Variants in ASTN2 observed in about 807,000 individuals in gnomAD.
ASTN2 encodes the protein astrotactin-2.
A neutral mutation model predicts 139.8 loss-of-function variants in ASTN2; 54 were observed. The ratio of observed to expected loss-of-function variants is 0.39; its 90% CI spans 0.31 to 0.48. The LOEUF is 0.48. Ranked by LOEUF, ASTN2 falls within the 20% of genes least tolerant of loss-of-function variation. The pLI is 0.95. For missense variants in ASTN2, 1,565 were observed against 1,725.1 expected (o/e 0.91, Z 1.64); for synonymous variants, 756 against 719.5 (o/e 1.05, Z -0.81).
At chr9:117,229,201 T>A (rs1481978561) in intron 2 of ASTN2, among the ~76,000 whole-genome samples, 4 of 152,126 alleles carry the variant, frequency 2.6e-5, no homozygotes, top group Non-Finnish European at 4.4e-5. Context: ...TGGTAGACCA[T>A]GCTTTCTTTC....
At chr9:117,120,597 G>T (rs1286916746) in intron 4 of ASTN2, among the ~76,000 whole-genome samples, 1 of 152,182 alleles carries the variant, frequency 6.6e-6, no homozygotes, top group Non-Finnish European at 1.5e-5. Flanking sequence ...CACAACCTAG[G>T]TGTAGCTCAC....
intron 17 of ASTN2, among the ~76,000 whole-genome samples, chr9:116,636,249 T>C (rs903679450): frequency 2.0e-5 from 3 of 152,224 alleles, no homozygotes; most frequent in African/African-American, 7.2e-5. Flanking sequence ...ATATAGAAGC[T>C]ATTGTGACCC....
At chr9:116,604,147 G>C (rs762708763) in intron 19 of ASTN2, among the ~76,000 whole-genome samples, 3 of 152,094 alleles carry the variant, frequency 2.0e-5, no homozygotes, top group Admixed American at 6.6e-5. Context: ...TGCCTGTCCT[G>C]TTACCATTCC....
At position 116,425,694 on chromosome 9, in the gene ASTN2, C is replaced by T; in HGVS notation, c.*157G>A. ...GGTTACAAAGGTCTCTGTCCACTATCCACAGGAGAAACCGTTTGCTTTGGC... is the reference window on the plus strand; with the variant it reads ...GGTTACAAAGGTCTCTGTCCACTATTCACAGGAGAAACCGTTTGCTTTGGC... On this transcript the variant is annotated 3_prime_UTR_variant, in exon 23 of 23. Transcript: ENST00000313400. 6.2e-7 allele frequency: 1 copy of T among 1,608,140 alleles called. No individual in the cohort carries two copies. Among genetic ancestry groups the T allele is most frequent in the South Asian group, 1.1e-5 (1 of 90,064 alleles).
In ASTN2 at chr9:116,791,512, G is replaced by A. The variant is rs185253672; in HGVS notation, c.2396+14120C>T. ...GATTGCTAAGCACATTAGTGCATTAGCAGTGTAAACAAGATCATGGGGGAA... is the reference window on the plus strand; with the variant it reads ...GATTGCTAAGCACATTAGTGCATTAACAGTGTAAACAAGATCATGGGGGAA... On this transcript the variant is annotated intron_variant, in intron 13 of 22. Coordinates refer to ENST00000313400, the MANE Select transcript of ASTN2 (RefSeq NM_001365068.1). Among the ~76,000 whole-genome samples the A allele has an allele frequency of 5.9e-4, 90 of 152,320 alleles. 1 individual carries two copies. The East Asian group carries it at 0.011, about 19-fold the overall frequency.
At chr9:117,034,828 G>A (rs549075669) in intron 6 of ASTN2, among the ~76,000 whole-genome samples, 22 of 152,280 alleles carry the variant, frequency 1.4e-4, no homozygotes, top group African/African-American at 5.1e-4. Context: ...GCCACTGATG[G>A]CTTTGAAGAA....
intron 19 of ASTN2, among the ~76,000 whole-genome samples, chr9:116,594,787 G>A (rs1854499901): frequency 6.6e-6 from 1 of 152,122 alleles, no homozygotes; most frequent in African/African-American, 2.4e-5. Context: ...GCAGTGTCTG[G>A]CTCAGGATAT....
chr9:116,779,989 GTTTA>G (rs1830176009), intron 13 of ASTN2, among the ~76,000 whole-genome samples: 1 of 152,132 alleles, frequency 6.6e-6, no homozygotes, highest in Non-Finnish European at 1.5e-5. Flanking sequence ...CTGCTGAGTA[GTTTA>G]TTTGATTTTC....
At chr9:117,171,293 C>T (rs1830787497) in intron 3 of ASTN2, among the ~76,000 whole-genome samples, 1 of 152,134 alleles carries the variant, frequency 6.6e-6, no homozygotes, top group Admixed American at 6.5e-5. Flanking sequence ...AGTGTCATGT[C>T]CAAAGAGTAA....
At chr9:116,659,405 A>G (rs959031506) in intron 16 of ASTN2, among the ~76,000 whole-genome samples, 1 of 152,102 alleles carries the variant, frequency 6.6e-6, no homozygotes, top group African/African-American at 2.4e-5. Context: ...TGCTTATCAG[A>G]CTTCAGACCA....
intron 19 of ASTN2, among the ~76,000 whole-genome samples, chr9:116,529,639 G>C (rs1309529308): frequency 1.3e-5 from 2 of 152,058 alleles, no homozygotes; most frequent in Non-Finnish European, 2.9e-5. Context: ...ATCTCATCTA[G>C]AGTTGTAATC....
chr9:116,816,964 C>T (rs1048626526), intron 12 of ASTN2, among the ~76,000 whole-genome samples: 1 of 144,244 alleles, frequency 6.9e-6, no homozygotes. Flanking sequence ...TAACCCCATG[C>T]AACATTCAGC....
intron 1 of ASTN2, among the ~76,000 whole-genome samples, chr9:117,370,916 A>G (rs1429975915): frequency 6.6e-6 from 1 of 152,098 alleles, no homozygotes; most frequent in Non-Finnish European, 1.5e-5. Context: ...CAACAATCCC[A>G]AGGGAGGGCA....
intron 13 of ASTN2, among the ~76,000 whole-genome samples, chr9:116,745,297 C>T (rs767873914): frequency 6.6e-6 from 1 of 152,158 alleles, no homozygotes; most frequent in African/African-American, 2.4e-5. Flanking sequence ...GGCAGAGTGA[C>T]CTCTCTACCT....
intron 19 of ASTN2, among the ~76,000 whole-genome samples, chr9:116,493,709 G>A (rs761414267): frequency 6.6e-5 from 10 of 151,932 alleles, no homozygotes; most frequent in Non-Finnish European, 1.0e-4. Flanking sequence ...TGAGGTCACC[G>A]TCAAAGCCGG....
intron 19 of ASTN2, among the ~76,000 whole-genome samples, chr9:116,537,040 C>G (rs1011933723): frequency 1.2e-4 from 18 of 152,236 alleles, no homozygotes; most frequent in African/African-American, 3.6e-4. Context: ...TTTACCTACT[C>G]AAGCCTCAGC....
At chr9:117,116,475 AAC>A (rs1401624875) in intron 4 of ASTN2, among the ~76,000 whole-genome samples, 2 of 152,166 alleles carry the variant, frequency 1.3e-5, no homozygotes, top group Non-Finnish European at 2.9e-5. Context: ...GAATTAAACA[AAC>A]ACACAATCAG....
chr9:117,003,953 C>CGTGTGTGTGTGTGTGTGTGTGT (rs3038371), intron 7 of ASTN2, among the ~76,000 whole-genome samples: 4 of 146,286 alleles, frequency 2.7e-5, no homozygotes, highest in African/African-American at 1.0e-4. Context: ...CGCGCGCGCG[C>CGTGTGTGTGTGTGTGTGTGTGT]GTGTGTGTGT....
At chr9:116,623,948 G>C in intron 17 of ASTN2, among the ~76,000 whole-genome samples, 2 of 152,098 alleles carry the variant, frequency 1.3e-5, no homozygotes, top group South Asian at 4.1e-4. Flanking sequence ...GTGTGTTTGA[G>C]AGAAAATGAA....
Sources: gnomAD v4.1 joint callset for allele counts (sites outside exome capture counted in the v4.1 genomes callset) on GRCh38, gnomAD v4.1.1 for gene constraint, MANE v1.5 for transcripts, NCBI Gene and HGNC (gene_info 2026-07-23, HGNC 2026-07-21) for gene names.